GABBR2: variants seen among roughly 807,000 people sequenced by gnomAD.
GABBR2 encodes the protein gamma-aminobutyric acid type B receptor subunit 2.
In GABBR2, 23 loss-of-function variants were observed where a neutral mutation model predicts 105.6. That is an observed-to-expected ratio of 0.22 (90% CI 0.16 to 0.31). The LOEUF (loss-of-function observed/expected upper bound fraction) is 0.31. Among genes scored for constraint, GABBR2 ranks in the 10% least tolerant of loss-of-function variants. The pLI is 1.00. For synonymous variants in GABBR2, 478 were observed against 499.7 expected (o/e 0.96, Z 0.58); for missense variants, 734 against 1,245.5 (o/e 0.59, Z 6.18).
At position 98,441,962 on chromosome 9, in the gene GABBR2, C is replaced by T. The variant is rs1826038556; in HGVS notation, c.1236+12019G>A. ...GATCACATCTGAATGTGAAGTGTCC[C>T]ATGAGTCTGTCTGAATGATGAGGTT... On this transcript the variant is annotated intron_variant, in intron 7 of 18. Coordinates refer to ENST00000259455, the MANE Select transcript of GABBR2 (RefSeq NM_005458.8). 2.0e-5 allele frequency among the ~76,000 whole-genome samples: 3 copies of T among 152,166 alleles called. 1 individual carries two copies. The South Asian group carries it at 6.2e-4, about 32-fold the overall frequency.
At chr9:98,329,060 A>C (rs1412678421) in intron 13 of GABBR2, among the ~76,000 whole-genome samples, 1 of 152,188 alleles carries the variant, frequency 6.6e-6, no homozygotes, top group Non-Finnish European at 1.5e-5. Flanking sequence ...AAGCCCCTAG[A>C]CCAGCGAGTG....
chr9:98,539,932 A>G lies in GABBR2; in HGVS notation c.630+1941T>C, dbSNP rs28449342. On this transcript the variant is annotated intron_variant, in intron 3 of 18. Coordinates refer to ENST00000259455, the MANE Select transcript of GABBR2 (RefSeq NM_005458.8). ...TTCGTCTAAAAAAAAAAAAAAAAAA[A>G]GAAAAAGAAAAGAAAAAGGAAAAAG... is the stretch of plus-strand genomic sequence containing the variant. Among the ~76,000 whole-genome samples, 256 of 148,860 alleles carry G rather than the reference A, an allele frequency of 1.7e-3. 1 individual carries two copies. Among genetic ancestry groups the G allele is most frequent in the African/African-American group, 6.0e-3 (241 of 40,500 alleles).
chr9:98,693,657 G>A (rs534590463), intron 1 of GABBR2, among the ~76,000 whole-genome samples: 8 of 152,272 alleles, frequency 5.3e-5, no homozygotes, highest in East Asian at 1.9e-4. Flanking sequence ...ATCTGAATAC[G>A]GAGCCAGACC....
At chr9:98,693,725 ACAC>A (rs1377456825) in intron 1 of GABBR2, among the ~76,000 whole-genome samples, 1 of 152,196 alleles carries the variant, frequency 6.6e-6, no homozygotes, top group African/African-American at 2.4e-5. Flanking sequence ...TCTTTCTACT[ACAC>A]CTTGCCACTA....
chr9:98,521,121 A>G (rs923099589), intron 3 of GABBR2, among the ~76,000 whole-genome samples: 5 of 152,208 alleles, frequency 3.3e-5, no homozygotes, highest in African/African-American at 1.2e-4. Context: ...CTCCCACCTA[A>G]GCTACCTCCT....
At chr9:98,377,794 T>G (rs1831904479) in intron 11 of GABBR2, among the ~76,000 whole-genome samples, 1 of 152,096 alleles carries the variant, frequency 6.6e-6, no homozygotes, top group Admixed American at 6.5e-5. Context: ...GGGAGGCCAC[T>G]GTCATCAAGC....
chr9:98,683,841 T>C (rs1356159387), intron 1 of GABBR2, among the ~76,000 whole-genome samples: 1 of 151,666 alleles, frequency 6.6e-6, no homozygotes, highest in African/African-American at 2.4e-5. Context: ...AACCCGTCTC[T>C]ACTAAAACTA....
chr9:98,561,597 T>C (rs913188944), intron 2 of GABBR2, among the ~76,000 whole-genome samples: 1 of 152,058 alleles, frequency 6.6e-6, no homozygotes, highest in African/African-American at 2.4e-5. Context: ...AATTAGAAAA[T>C]GAGGTTGGGT....
chr9:98,403,971 C>T (rs779660514), intron 8 of GABBR2, among the ~76,000 whole-genome samples: 14 of 151,358 alleles, frequency 9.2e-5, no homozygotes, highest in Non-Finnish European at 1.0e-4. Context: ...ACCCACAAAG[C>T]GCAAGCTCTG....
chr9:98,459,353 G>C (rs1826383693), intron 6 of GABBR2, among the ~76,000 whole-genome samples: 2 of 152,166 alleles, frequency 1.3e-5, no homozygotes, highest in African/African-American at 4.8e-5. Flanking sequence ...CTGGAGAGAA[G>C]ATAAATGCTT....
At chr9:98,419,386 G>A (rs188246273) in intron 7 of GABBR2, among the ~76,000 whole-genome samples, 299 of 152,260 alleles carry the variant, frequency 2.0e-3, no homozygotes, top group African/African-American at 6.5e-3. Flanking sequence ...AAGAGCAGAC[G>A]ATCTTGGTGC....
At chr9:98,601,920 AACAATGTGACC>A (rs1269895817) in intron 1 of GABBR2, among the ~76,000 whole-genome samples, 1 of 152,240 alleles carries the variant, frequency 6.6e-6, no homozygotes, top group Non-Finnish European at 1.5e-5. Context: ...GTACAGCACA[AACAATGTGACC>A]ACAGGGAAGA....
chr9:98,430,076 G>A (rs1192100953), intron 7 of GABBR2, among the ~76,000 whole-genome samples: 1 of 150,100 alleles, frequency 6.7e-6, no homozygotes, highest in Non-Finnish European at 1.5e-5. Flanking sequence ...CACAAGGTCA[G>A]GAGATCAACA....
At chr9:98,485,987 T>C (rs958004904) in intron 4 of GABBR2, among the ~76,000 whole-genome samples, 3 of 152,112 alleles carry the variant, frequency 2.0e-5, no homozygotes, top group Non-Finnish European at 4.4e-5. Flanking sequence ...AGCTCTGTGG[T>C]GCTGTCTGTG....
intron 1 of GABBR2, among the ~76,000 whole-genome samples, chr9:98,682,656 G>A (rs781694666): frequency 3.3e-5 from 5 of 152,048 alleles, no homozygotes; most frequent in Non-Finnish European, 5.9e-5. Context: ...GATAACAGGC[G>A]TGAGCCACCA....
chr9:98,306,261 A>G lies in GABBR2; in HGVS notation c.2089T>C (p.Tyr697His). The change falls in exon 15 of 19, where the codon TAC (tyrosine) becomes CAC (histidine). Residue 697 changes from tyrosine to histidine, a missense_variant. Physicochemically the swap from Tyr to His is moderately conservative, Grantham distance 83. This residue lies in a region of GABBR2 where 91 missense variants were observed against 185.9 expected (regional missense o/e 0.49). Coordinates refer to ENST00000259455, the MANE Select transcript of GABBR2 (RefSeq NM_005458.8). The surrounding 1 kb of genome is among the most constrained non-coding windows in gnomAD (Gnocchi z 5.4). ...ATGATGCACATGATCCCCACGTTGT[A>G]GACACTCATCCCGATGTACTTGCTG... ...NDSKYIGMSV[Y>H]NVGIMCIIGA... 6.2e-7 allele frequency: 1 copy of G among 1,614,096 alleles called. No individual in the cohort carries two copies. Among genetic ancestry groups the G allele is most frequent in the Non-Finnish European group, 8.5e-7 (1 of 1,179,936 alleles).
chr9:98,421,065 T>G (rs1333241233), intron 7 of GABBR2, among the ~76,000 whole-genome samples: 1 of 152,222 alleles, frequency 6.6e-6, no homozygotes, highest in Non-Finnish European at 1.5e-5. Flanking sequence ...AACAGAACCA[T>G]GGTTCCCAAA....
At chr9:98,458,291 G>A (rs903507294) in intron 6 of GABBR2, among the ~76,000 whole-genome samples, 7 of 152,226 alleles carry the variant, frequency 4.6e-5, no homozygotes, top group African/African-American at 1.2e-4. Context: ...AGACTTTCTC[G>A]CTGGCATCCC....
chr9:98,484,000 C>T (rs899021223), intron 4 of GABBR2, among the ~76,000 whole-genome samples: 4 of 152,206 alleles, frequency 2.6e-5, no homozygotes, highest in Admixed American at 6.5e-5. Context: ...CAGTGTGCAG[C>T]ATCACGCACA....
Sources: gnomAD v4.1 joint callset for allele counts (sites outside exome capture counted in the v4.1 genomes callset) on GRCh38, gnomAD v4.1.1 for gene constraint, gnomAD v4.1.1 regional missense constraint, Gnocchi (gnomAD v3.1) non-coding constraint, MANE v1.5 for transcripts, NCBI Gene and HGNC (gene_info 2026-07-23, HGNC 2026-07-21) for gene names.